The following FSIP2 variants were observed in gnomAD, a reference collection of about 807,000 sequenced individuals.
FSIP2 encodes the protein fibrous sheath interacting protein 2, also known as fibrous sheath-interacting protein 2.
In FSIP2, 367 loss-of-function variants were observed where a neutral mutation model predicts 510.5. The ratio of observed to expected loss-of-function variants is 0.72; its 90% CI spans 0.66 to 0.78. The LOEUF (loss-of-function observed/expected upper bound fraction) is 0.78, where lower values mean the gene tolerates loss of function less well. Ranked by LOEUF, FSIP2 falls within the 30% of genes least tolerant of loss-of-function variation. FSIP2 has a pLI of 0.00. For missense variants in FSIP2, 7,594 were observed against 7,901.7 expected (o/e 0.96, Z 1.48); for synonymous variants, 2,601 against 2,732.2 (o/e 0.95, Z 1.50).
chr2:185,803,104 T>C lies in FSIP2; in HGVS notation c.13798T>C (p.Ser4600Pro), dbSNP rs1418765009. Residue 4600 changes from serine to proline, a missense_variant, in exon 17 of 23, where the codon TCA becomes CCA. Coordinates refer to ENST00000424728, the MANE Select transcript of FSIP2 (RefSeq NM_173651.4). ...QPFVSGKSLS[S>P]SDTYFDDERR... The stretch of plus-strand genomic sequence containing the variant: ...ATTTGTGAGTGGAAAATCATTATCT[T>C]CATCAGACACATATTTTGATGATGA... 6.6e-7 allele frequency: 1 copy of C among 1,518,180 alleles called. No individual in the cohort carries two copies. The highest frequency in any genetic ancestry group is 8.8e-7 in the Non-Finnish European group (1 of 1,139,486). 94.0% of individuals were successfully genotyped at this position (1,518,180 alleles called of 1,614,324 possible). A position where few individuals can be genotyped will look rare whatever the true frequency, so the allele number is the denominator to read the frequency against.
intron 19 of FSIP2, among the ~76,000 whole-genome samples, 188 bp downstream of exon 19, chr2:185,815,659 T>G (rs1693812248): frequency 6.6e-6 from 1 of 152,054 alleles, no homozygotes; most frequent in Non-Finnish European, 1.5e-5. Context: ...TCCTTTATTT[T>G]TAGATACCTG....
rs1423027916 is a variant in FSIP2, at chr2:185,803,929, A to G, written c.14623A>G (p.Asn4875Asp). ...CATTTATGCTGATCTTTCTCATTCA[A>G]ATATATACCAGTCCATTACAAAAGA... ...DSIYADLSHS[N>D]IYQSITKDKK... Residue 4875 changes from asparagine to aspartate, a missense_variant, in exon 17 of 23, where the codon AAT (asparagine) becomes GAT (aspartate). Physicochemically the swap from Asn to Asp is conservative, Grantham distance 23. Coordinates refer to ENST00000424728, the MANE Select transcript of FSIP2 (RefSeq NM_173651.4). The G allele has an allele frequency of 1.3e-6, 2 of 1,520,406 alleles. No homozygotes were observed. The highest frequency in any genetic ancestry group is 1.8e-6 in the Non-Finnish European group (2 of 1,135,974). 94.2% of individuals were successfully genotyped at this position (1,520,406 alleles called of 1,614,324 possible).
rs548670440 is a variant in FSIP2, at chr2:185,779,741, C to A, written c.1412-2964C>A. Among the ~76,000 whole-genome samples, 17 of 152,232 alleles carry A rather than the reference C, an allele frequency of 1.1e-4. No individual in the cohort carries two copies. In the South Asian group the frequency reaches 3.3e-3, roughly 30 times the overall value. On this transcript the variant is annotated intron_variant, in intron 13 of 22. Transcript: ENST00000424728. The stretch of plus-strand genomic sequence containing the variant: ...TTACCAGCTTATTTTGTTCTCCACT[C>A]ATTCCTTCTTGCATTTAATACTTCT...
At chr2:185,799,651 T>C (rs1693376517) in intron 16 of FSIP2, 46 bp from the exon 17 acceptor site, 2 of 924,900 alleles carry the variant, frequency 2.2e-6, no homozygotes, top group East Asian at 2.9e-5. Context: ...GAATTTTCTA[T>C]ATTTTCTTTA....
At chr2:185,831,359 A>G (rs1029428097) in intron 21 of FSIP2, among the ~76,000 whole-genome samples, 4 of 151,958 alleles carry the variant, frequency 2.6e-5, no homozygotes, top group African/African-American at 9.7e-5. Context: ...AACCAGGTCT[A>G]CAGAGCCACT....
intron 15 of FSIP2, among the ~76,000 whole-genome samples, chr2:185,787,470 T>A (rs1038322905): frequency 2.0e-5 from 3 of 151,776 alleles, no homozygotes; most frequent in Non-Finnish European, 1.5e-5. Context: ...TTTTGGGTGT[T>A]AGCAGCCTAG....
At chr2:185,764,280 G>C (rs1448844777) in intron 12 of FSIP2, among the ~76,000 whole-genome samples, 1 of 151,546 alleles carries the variant, frequency 6.6e-6, no homozygotes, top group Non-Finnish European at 1.5e-5. Flanking sequence ...ATGTGTAGGT[G>C]GTTTTAAGTA....
chr2:185,756,624 T>A (rs991170380), intron 9 of FSIP2, among the ~76,000 whole-genome samples: 2 of 151,398 alleles, frequency 1.3e-5, no homozygotes, highest in Admixed American at 1.3e-4. Context: ...TGTCAGAAAT[T>A]AAGTATATTT....
chr2:185,814,694 A>G (rs1693798777), intron 18 of FSIP2, among the ~76,000 whole-genome samples: 1 of 152,058 alleles, frequency 6.6e-6, no homozygotes, highest in Non-Finnish European at 1.5e-5. Flanking sequence ...CTACATTTTA[A>G]TGGAAAAAAG....
intron 13 of FSIP2, chr2:185,765,515 G>T (rs1179793959): frequency 6.6e-6 from 1 of 151,926 alleles, no homozygotes; most frequent in Admixed American, 6.6e-5. Flanking sequence ...CTTTGTTTTG[G>T]TACCAGTACC....
chr2:185,827,351 T>C (rs915462220), intron 20 of FSIP2, among the ~76,000 whole-genome samples: 2 of 151,824 alleles, frequency 1.3e-5, no homozygotes, highest in African/African-American at 4.8e-5. Flanking sequence ...ATAAAATGCA[T>C]AGTTTTTTCT....
Position 185,795,444 on chromosome 2 carries a change from G to A in FSIP2, c.8308G>A (p.Ala2770Thr). 2 of 1,534,626 alleles carry A rather than the reference G, an allele frequency of 1.3e-6. No individual in the cohort carries two copies. Among genetic ancestry groups the A allele is most frequent in the Non-Finnish European group, 1.7e-6 (2 of 1,145,894 alleles). Residue 2770 changes from alanine (A) to threonine (T), a missense_variant, in exon 16 of 23, where the codon GCA becomes ACA. Coordinates refer to ENST00000424728, the MANE Select transcript of FSIP2 (RefSeq NM_173651.4). ...AGCTTTACCATCTGATCAAATCATA[G>A]CAGCAGGTAAAATAGTTAATACAGT... ...TKALPSDQII[A>T]AGKIVNTVLQ...
At chr2:185,754,903 C>T (rs1264113044) in intron 8 of FSIP2, among the ~76,000 whole-genome samples, 1 of 151,486 alleles carries the variant, frequency 6.6e-6, no homozygotes, top group Non-Finnish European at 1.5e-5. Flanking sequence ...TAGATAATTC[C>T]TATAAAGAGT....
rs1693290075 is a variant in FSIP2 at position 185,796,722 on chromosome 2, A to G, written c.9586A>G (p.Met3196Val). 2 of 1,535,016 alleles carry G rather than the reference A, an allele frequency of 1.3e-6. No homozygotes were observed. The highest frequency in any genetic ancestry group is 2.4e-5 in the East Asian group (1 of 40,872). ...GTTTGTGTTTTGTTCAGATGAAGAT[A>G]TGAAAGAAAAGTACAGGGTTTCATC... Reference protein sequence around the residue: ...TGFVFCSDEDMKEKYRVSSDL... With the variant: ...TGFVFCSDEDVKEKYRVSSDL... The change falls in exon 16 of 23, where the codon ATG becomes GTG. Residue 3196 changes from methionine (M) to valine (V), a missense_variant. Transcript: ENST00000424728.
intron 19 of FSIP2, among the ~76,000 whole-genome samples, chr2:185,816,500 A>G (rs1693828310): frequency 6.6e-6 from 1 of 152,014 alleles, no homozygotes; most frequent in Admixed American, 6.6e-5. Context: ...CAATTTTATA[A>G]CAGCTCTGGA....
Position 185,792,968 on chromosome 2 carries a change from C to T in FSIP2, c.5832C>T (p.Val1944=), listed in dbSNP as rs1318469795. 6.5e-7 allele frequency: 1 copy of T among 1,534,126 alleles called. No homozygotes were observed. The highest frequency in any genetic ancestry group is 8.7e-7 in the Non-Finnish European group (1 of 1,145,644). The change falls in exon 16 of 23, where the codon GTC becomes GTT. Residue 1944 remains valine (V), a synonymous_variant. Coordinates refer to ENST00000424728, the MANE Select transcript of FSIP2 (RefSeq NM_173651.4). ...SKVKSLFYSQ[V]NFTVPVALPI... ...TAAAATCTCTCTTTTATTCTCAAGT[C>T]AACTTTACAGTTCCAGTGGCTTTAC...
Position 185,791,103 on chromosome 2 carries a change from G to T in FSIP2, c.3967G>T (p.Asp1323Tyr). 6.5e-7 allele frequency: 1 copy of T among 1,531,912 alleles called. No homozygotes were observed. The highest frequency in any genetic ancestry group is 1.2e-5 in the South Asian group (1 of 83,626). The allele number at this position is 1,531,912 out of a possible 1,614,324, so 94.9% of individuals were successfully genotyped here. A position where few individuals can be genotyped will look rare whatever the true frequency, so the allele number is the denominator to read the frequency against. ...HKENLNLREI[D>Y]HTKSLTDKGF... is the part of the protein sequence containing the mutation. ...GGAAAACCTAAATCTTAGGGAGATT[G>T]ACCATACCAAATCCCTTACAGATAA... Residue 1323 changes from aspartate to tyrosine, a missense_variant, in exon 16 of 23, where the codon GAC becomes TAC. By Grantham distance (160) the Asp-to-Tyr change is radical. Transcript: ENST00000424728.
intron 14 of FSIP2, among the ~76,000 whole-genome samples, chr2:185,785,741 G>T (rs1023988941): frequency 6.6e-5 from 10 of 152,010 alleles, no homozygotes; most frequent in South Asian, 4.1e-4. Context: ...AGAAACTTAT[G>T]ATTTTAACCC....
intron 19 of FSIP2, among the ~76,000 whole-genome samples, chr2:185,816,705 A>T (rs1427948864): frequency 1.3e-5 from 2 of 151,498 alleles, no homozygotes; most frequent in African/African-American, 4.8e-5. Flanking sequence ...TAAAATAATA[A>T]AAAATTAGCT....
Sources: gnomAD v4.1 joint callset for allele counts (sites outside exome capture counted in the v4.1 genomes callset) on GRCh38, gnomAD v4.1.1 for gene constraint, MANE v1.5 for transcripts, NCBI Gene and HGNC (gene_info 2026-07-23, HGNC 2026-07-21) for gene names.